The following RANBP2 variants were observed in gnomAD, a reference collection of about 807,000 sequenced individuals.
RANBP2 encodes RAN binding protein 2, also known as E3 SUMO-protein ligase RanBP2.
RANBP2 carries 57 observed loss-of-function variants against 303.6 expected under a neutral mutation model. The observed-to-expected ratio is 0.19, with a 90% CI of 0.15 to 0.23. The LOEUF is 0.23. RANBP2 is among the 10% of genes least tolerant of loss of function. The pLI is 1.00. For missense variants in RANBP2, 3,138 were observed against 3,780.8 expected, an observed-to-expected ratio of 0.83 and a Z score of 4.46; for synonymous variants, 1,167 against 1,301.5, an observed-to-expected ratio of 0.90 and a Z score of 2.23.
chr2:109,348,203 G>A, the RANBP2 span, among the ~76,000 whole-genome samples: 1 of 152,212 alleles, frequency 6.6e-6, no homozygotes. Context: ...ATAGGAGCTT[G>A]AGATAATATA....
the RANBP2 span, chr2:108,896,158 G>GACAA: frequency 6.6e-6 from 1 of 152,220 alleles, no homozygotes; most frequent in African/African-American, 2.4e-5. Context: ...CAATTGCTTG[G>GACAA]ACAAACACAT....
At chr2:109,419,582 G>C in the RANBP2 span, 1 of 1,597,496 alleles carries the variant, frequency 6.3e-7, no homozygotes, top group Middle Eastern at 1.7e-4. Context: ...GCTGTCCCAC[G>C]GGCTGCCTCG....
chr2:109,418,498 G>A, the RANBP2 span, among the ~76,000 whole-genome samples: 1 of 152,126 alleles, frequency 6.6e-6, no homozygotes, highest in African/African-American at 2.4e-5. Flanking sequence ...AGCACCCCTC[G>A]GCTTGTGGAT....
At chr2:109,664,174 C>T in the RANBP2 span, among the ~76,000 whole-genome samples, 1 of 152,216 alleles carries the variant, frequency 6.6e-6, no homozygotes, top group African/African-American at 2.4e-5. Context: ...GGTCTTTTTA[C>T]TTTGCAGCAA....
At chr2:109,565,785 C>A in the RANBP2 span, 3 of 1,613,914 alleles carry the variant, frequency 1.9e-6, no homozygotes, top group African/African-American at 4.0e-5. Flanking sequence ...CCCAAGGGTA[C>A]TGGCGAGCTT....
At chr2:109,062,671 C>T in the RANBP2 span, among the ~76,000 whole-genome samples, 3 of 152,194 alleles carry the variant, frequency 2.0e-5, no homozygotes, top group Non-Finnish European at 4.4e-5. Context: ...GCAGGCCTTA[C>T]ACCTCCTTCC....
the RANBP2 span, among the ~76,000 whole-genome samples, chr2:109,133,824 T>G: frequency 6.6e-6 from 1 of 151,992 alleles, no homozygotes; most frequent in Admixed American, 6.5e-5. Context: ...ATTAGCATAG[T>G]TGGGAATAAG....
the RANBP2 span, among the ~76,000 whole-genome samples, chr2:109,567,619 T>C: frequency 6.6e-6 from 1 of 152,192 alleles, no homozygotes; most frequent in South Asian, 2.1e-4. Flanking sequence ...AAAAATATGC[T>C]TAAAAATAAA....
In RANBP2 at chr2:108,767,118, G is replaced by A. The variant is rs1677168593; in HGVS notation, c.6579G>A (p.Glu2193=). 1 of 1,611,702 alleles carries A rather than the reference G, an allele frequency of 6.2e-7. No individual in the cohort carries two copies. Among genetic ancestry groups the A allele is most frequent in the East Asian group, 2.2e-5 (1 of 44,876 alleles). ...CAAATGATCAAACAAAAGTCACTGA[G>A]GAAGAAAATAAGGGTTCAGGTACAG... The part of the protein sequence containing the change: ...FLTNDQTKVT[E]EENKGSGTGA... The change falls in exon 20 of 29, where the codon GAG becomes GAA. Residue 2193 remains glutamate (E), a synonymous_variant. Transcript: ENST00000283195.
At chr2:109,059,601 T>C in the RANBP2 span, among the ~76,000 whole-genome samples, 1 of 149,702 alleles carries the variant, frequency 6.7e-6, no homozygotes, top group African/African-American at 2.5e-5. Context: ...TCACACAACA[T>C]GGCCGTTGTC....
chr2:108,725,714 A>G (rs1352488055), intron 1 of RANBP2, among the ~76,000 whole-genome samples: 1 of 150,260 alleles, frequency 6.7e-6, no homozygotes, highest in African/African-American at 2.5e-5. Context: ...CTGGCGACAG[A>G]GCAAGACTCC....
chr2:109,614,849 C>T, the RANBP2 span: 2 of 1,401,142 alleles, frequency 1.4e-6, no homozygotes, highest in African/African-American at 1.5e-5. Flanking sequence ...GGCTCCCCGA[C>T]GCGGCGGCCC....
chr2:108,791,655 A>G, the RANBP2 span: 1 of 1,599,952 alleles, frequency 6.3e-7, no homozygotes, highest in Non-Finnish European at 8.5e-7. Context: ...GATTGCTGTG[A>G]TACAATTATT....
the RANBP2 span, among the ~76,000 whole-genome samples, chr2:109,666,059 C>A: frequency 6.6e-6 from 1 of 151,028 alleles, no homozygotes; most frequent in African/African-American, 2.4e-5. Context: ...TGCAGTGAGC[C>A]AAGATCATGC....
chr2:109,365,050 T>A, the RANBP2 span, among the ~76,000 whole-genome samples: 1 of 121,018 alleles, frequency 8.3e-6, no homozygotes, highest in South Asian at 2.9e-4. Context: ...CACACACATA[T>A]AAAACAAACA....
the RANBP2 span, among the ~76,000 whole-genome samples, chr2:109,524,444 C>CA: frequency 0.029 from 2,475 of 84,360 alleles, 59 homozygotes; most frequent in South Asian, 0.058. Flanking sequence ...GACCCTGTCT[C>CA]AAAAAAAAAA....
chr2:109,322,067 C>T, the RANBP2 span, among the ~76,000 whole-genome samples: 3 of 150,860 alleles, frequency 2.0e-5, no homozygotes, highest in East Asian at 1.9e-4. Flanking sequence ...CAGCAAGGAG[C>T]GAGAAAGGGT....
chr2:109,024,409 G>A, the RANBP2 span, among the ~76,000 whole-genome samples: 610 of 152,292 alleles, frequency 4.0e-3, 4 homozygotes, highest in Non-Finnish European at 6.7e-3. Context: ...ATCTTTTCAC[G>A]GCTACTGTCG....
At chr2:109,486,958 G>A in the RANBP2 span, among the ~76,000 whole-genome samples, 1 of 152,220 alleles carries the variant, frequency 6.6e-6, no homozygotes, top group Admixed American at 6.5e-5. Context: ...AGGCTGAACT[G>A]ATTGGAGCCT....
Sources: gnomAD v4.1 joint callset for allele counts (sites outside exome capture counted in the v4.1 genomes callset) on GRCh38, gnomAD v4.1.1 for gene constraint, MANE v1.5 for transcripts, NCBI Gene and HGNC (gene_info 2026-07-23, HGNC 2026-07-21) for gene names.